KITLG: variants seen among roughly 807,000 people sequenced by gnomAD.
KITLG encodes KIT ligand, also known as c-Kit ligand.
KITLG carries 13 observed loss-of-function variants against 34.1 expected under a neutral mutation model. The observed-to-expected ratio is 0.38, with a 90% CI of 0.25 to 0.61. KITLG has a LOEUF of 0.61. KITLG is among the 20% of genes least tolerant of loss of function. The pLI is 0.60. For synonymous variants in KITLG, 110 were observed against 104.0 expected (o/e 1.06, Z -0.35); for missense variants, 292 against 318.9 (o/e 0.92, Z 0.64).
chr12:88,513,842 C>A (rs994744195), intron 6 of KITLG, among the ~76,000 whole-genome samples: 1 of 151,458 alleles, frequency 6.6e-6, no homozygotes, highest in Non-Finnish European at 1.5e-5. Flanking sequence ...TCCCTTTTCT[C>A]AATAATTAAT....
At position 88,494,715 on chromosome 12, in the gene KITLG, C is replaced by A. The variant is rs1868546659; in HGVS notation, c.*2504G>T. On this transcript the variant is annotated 3_prime_UTR_variant, in exon 10 of 10. Coordinates refer to ENST00000644744, the MANE Select transcript of KITLG (RefSeq NM_000899.5). The stretch of plus-strand genomic sequence containing the variant: ...CAAAGCTTTCAGTATCATTGAGAAT[C>A]TACAGACTTCTGAGATCATTTTAAA... 1 of 152,276 alleles carries A rather than the reference C, an allele frequency of 6.6e-6. No individual in the cohort carries two copies. Among genetic ancestry groups the A allele is most frequent in the Non-Finnish European group, 1.5e-5 (1 of 67,888 alleles). The allele number at this position is 152,276 out of a possible 1,614,324, so 9.4% of individuals were successfully genotyped here. A position where few individuals can be genotyped will look rare whatever the true frequency, so the allele number is the denominator to read the frequency against.
At chr12:88,557,617 A>C (rs932703762) in intron 1 of KITLG, among the ~76,000 whole-genome samples, 5 of 152,096 alleles carry the variant, frequency 3.3e-5, no homozygotes, top group African/African-American at 1.2e-4. Context: ...AAAACTAAAA[A>C]CGCCATTTCT....
chr12:88,518,874 G>C lies in KITLG; in HGVS notation c.193-7C>G. On this transcript the variant is annotated splice_polypyrimidine_tract_variant and splice_region_variant and intron_variant, in intron 3 of 9. Transcript: ENST00000644744. ...TTATCCAACAATGACTTGGCTGCAA[G>C]ATATGAAAAAAGAGACAAAACAGCT... The C allele has an allele frequency of 6.2e-7, 1 of 1,612,424 alleles. No homozygotes were observed. The highest frequency in any genetic ancestry group is 8.5e-7 in the Non-Finnish European group (1 of 1,179,180).
intron 6 of KITLG, among the ~76,000 whole-genome samples, chr12:88,513,067 T>C (rs577942155): frequency 2.6e-5 from 4 of 151,988 alleles, no homozygotes; most frequent in African/African-American, 9.6e-5. Context: ...AACTGCATTG[T>C]GTATTGTAGA....
chr12:88,574,712 G>A (rs905740791), intron 1 of KITLG, among the ~76,000 whole-genome samples: 11 of 151,950 alleles, frequency 7.2e-5, no homozygotes, highest in Non-Finnish European at 1.3e-4. Context: ...ATGCACACAC[G>A]TACTGGAAGT....
chr12:88,560,360 T>C (rs970009347), intron 1 of KITLG, among the ~76,000 whole-genome samples: 1 of 152,236 alleles, frequency 6.6e-6, no homozygotes, highest in African/African-American at 2.4e-5. Flanking sequence ...AGTAAATGAC[T>C]ATACAATCAT....
chr12:88,509,317 G>A (rs984042688), intron 6 of KITLG, among the ~76,000 whole-genome samples: 3 of 152,054 alleles, frequency 2.0e-5, no homozygotes, highest in African/African-American at 4.8e-5. Flanking sequence ...TCACCACTCA[G>A]ACCAAAGGAA....
intron 1 of KITLG, among the ~76,000 whole-genome samples, chr12:88,576,695 G>A (rs1566038979): frequency 6.6e-6 from 1 of 152,102 alleles, no homozygotes. Context: ...CTAGAACCTA[G>A]AATCCTTCTA....
rs1868510179 is a variant in KITLG at position 88,494,016 on chromosome 12, TA to T, written c.*3202del. The T allele has an allele frequency of 6.6e-6, 1 of 151,864 alleles. No homozygotes were observed. Among genetic ancestry groups the T allele is most frequent in the East Asian group, 1.9e-4 (1 of 5,182 alleles). 9.4% of individuals were successfully genotyped at this position (151,864 alleles called of 1,614,324 possible). Reference sequence around the variant, plus strand: ...CCAGAGTTGGATATTTTGTATGGGTTAGTTTCAATGCTATTTTGTCTTCTTT... The same window carrying T: ...CCAGAGTTGGATATTTTGTATGGGTTGTTTCAATGCTATTTTGTCTTCTTT... On this transcript the variant is annotated 3_prime_UTR_variant, in exon 10 of 10. Coordinates refer to ENST00000644744, the MANE Select transcript of KITLG (RefSeq NM_000899.5).
At chr12:88,508,071 C>T (rs562481671) in intron 6 of KITLG, among the ~76,000 whole-genome samples, 3 of 152,054 alleles carry the variant, frequency 2.0e-5, no homozygotes, top group South Asian at 2.1e-4. Flanking sequence ...CCTGTAATCC[C>T]GGCTACTACG....
chr12:88,578,878 A>C (rs114178399), intron 1 of KITLG, among the ~76,000 whole-genome samples: 230 of 152,292 alleles, frequency 1.5e-3, no homozygotes, highest in African/African-American at 5.2e-3. Context: ...TTACAATAAA[A>C]CTTTTCTTTT....
At chr12:88,502,951 C>CA (rs1211312026) in intron 9 of KITLG, among the ~76,000 whole-genome samples, 11 of 150,518 alleles carry the variant, frequency 7.3e-5, no homozygotes, top group Non-Finnish European at 1.3e-4. Context: ...GGTTCAAAGG[C>CA]AAAAAAATGA....
chr12:88,522,828 A>G (rs1422711762), intron 3 of KITLG, among the ~76,000 whole-genome samples: 1 of 152,166 alleles, frequency 6.6e-6, no homozygotes. Context: ...AGCACTTTAC[A>G]TTACTTTCAA....
chr12:88,520,398 C>T (rs1004285361), intron 3 of KITLG, among the ~76,000 whole-genome samples: 7 of 152,090 alleles, frequency 4.6e-5, no homozygotes, highest in African/African-American at 1.7e-4. Context: ...GAACAGATTT[C>T]CTAGGATATG....
chr12:88,518,511 A>C (rs1869537917), intron 4 of KITLG, among the ~76,000 whole-genome samples, 186 bp downstream of exon 4: 1 of 152,194 alleles, frequency 6.6e-6, no homozygotes, highest in African/African-American at 2.4e-5. Context: ...TTGAATGTGC[A>C]CTTCAGTATT....
chr12:88,538,309 G>T (rs1870402370), intron 2 of KITLG, among the ~76,000 whole-genome samples: 1 of 152,054 alleles, frequency 6.6e-6, no homozygotes, highest in South Asian at 2.1e-4. Flanking sequence ...ATGGTAGGTA[G>T]TAAGGTACAG....
intron 2 of KITLG, among the ~76,000 whole-genome samples, chr12:88,540,890 C>G (rs911295065): frequency 7.2e-5 from 11 of 152,020 alleles, no homozygotes; most frequent in Non-Finnish European, 1.2e-4. Flanking sequence ...AATATTGCAA[C>G]CTAATAAAAT....
At chr12:88,512,402 G>A (rs1281429170) in intron 6 of KITLG, among the ~76,000 whole-genome samples, 1 of 151,962 alleles carries the variant, frequency 6.6e-6, no homozygotes, top group Non-Finnish European at 1.5e-5. Context: ...TGCGACCTAT[G>A]ACACACTAGC....
At chr12:88,551,500 T>C (rs1870913075) in intron 1 of KITLG, among the ~76,000 whole-genome samples, 1 of 152,258 alleles carries the variant, frequency 6.6e-6, no homozygotes, top group East Asian at 1.9e-4. Context: ...ACTTTCAAAG[T>C]ATCTCAGTTA....
Sources: allele counts gnomAD v4.1 joint callset (sites outside exome capture counted in the v4.1 genomes callset), GRCh38; gene constraint gnomAD v4.1.1; transcripts MANE v1.5; gene names NCBI Gene and HGNC (gene_info 2026-07-23, HGNC 2026-07-21).